TMEM154: variants seen among roughly 807,000 people sequenced by gnomAD.
TMEM154 encodes the protein transmembrane protein 154.
TMEM154 carries 27 observed loss-of-function variants against 24.5 expected under a neutral mutation model. That is an observed-to-expected ratio of 1.10 (90% CI 0.81 to 1.52). The LOEUF is 1.52. Among genes scored for constraint, TMEM154 ranks in the 40% most tolerant of loss-of-function variants. TMEM154 has a pLI of 0.00. For synonymous variants in TMEM154, 67 were observed against 76.8 expected, an observed-to-expected ratio of 0.87 and a Z score of 0.67; for missense variants, 228 against 213.4, an observed-to-expected ratio of 1.07 and a Z score of -0.43.
chr4:152,648,010 A>C (rs1267674066), intron 3 of TMEM154, among the ~76,000 whole-genome samples: 5 of 152,160 alleles, frequency 3.3e-5, no homozygotes, highest in Non-Finnish European at 7.3e-5. Context: ...GACCTTAACG[A>C]CCACATCACC....
Position 152,660,890 on chromosome 4 carries a change from C to T in TMEM154, c.65-7963G>A, listed in dbSNP as rs149919975. Among the ~76,000 whole-genome samples the T allele has an allele frequency of 2.6e-3, 400 of 152,276 alleles. 1 individual carries two copies. The highest frequency in any genetic ancestry group is 9.1e-3 in the African/African-American group (376 of 41,546). ...GAAAAGCTGCCCAGAAGGACAGGGT[C>T]TTTTCAGCACCTCTCTGAGGAAGGT... On this transcript the variant is annotated intron_variant, in intron 1 of 6. Transcript: ENST00000304385.
intron 5 of TMEM154, 97 bp from the exon 6 acceptor site, chr4:152,641,082 C>T (rs72956780): frequency 0.07 from 82,819 of 1,183,460 alleles, 3,762 homozygotes; most frequent in African/African-American, 0.2. Flanking sequence ...CTCTGATCTG[C>T]GTGGTTACTT....
intron 3 of TMEM154, among the ~76,000 whole-genome samples, chr4:152,644,686 C>A (rs3935569): frequency 9.2e-5 from 14 of 152,010 alleles, no homozygotes; most frequent in African/African-American, 3.1e-4. Flanking sequence ...TCACTTCAGA[C>A]CAGATGTTCA....
At chr4:152,657,749 A>T (rs1490444012) in intron 1 of TMEM154, among the ~76,000 whole-genome samples, 2 of 152,244 alleles carry the variant, frequency 1.3e-5, no homozygotes, top group Non-Finnish European at 2.9e-5. Context: ...AACCCCTATC[A>T]GACTAACAGT....
chr4:152,654,960 T>G (rs1471812083), intron 1 of TMEM154, among the ~76,000 whole-genome samples: 1 of 151,874 alleles, frequency 6.6e-6, no homozygotes, highest in Non-Finnish European at 1.5e-5. Flanking sequence ...CCCCAAACCA[T>G]CAGAATCAAT....
chr4:152,674,766 G>A (rs772070430), intron 1 of TMEM154, among the ~76,000 whole-genome samples: 59 of 152,308 alleles, frequency 3.9e-4, no homozygotes, highest in Non-Finnish European at 6.8e-4. Flanking sequence ...TAGTAGCTTG[G>A]TGACAGGATC....
chr4:152,662,845 G>T (rs1475318269), intron 1 of TMEM154, among the ~76,000 whole-genome samples: 1 of 152,194 alleles, frequency 6.6e-6, no homozygotes, highest in African/African-American at 2.4e-5. Context: ...CAGGAAATAA[G>T]TCTGGAGGTG....
At chr4:152,663,448 C>T (rs1254416742) in intron 1 of TMEM154, among the ~76,000 whole-genome samples, 4 of 152,224 alleles carry the variant, frequency 2.6e-5, no homozygotes, top group African/African-American at 9.6e-5. Context: ...AGGAACACAA[C>T]AGGTTAGAAG....
chr4:152,655,737 C>G (rs1728477916), intron 1 of TMEM154, among the ~76,000 whole-genome samples: 1 of 152,152 alleles, frequency 6.6e-6, no homozygotes, highest in South Asian at 2.1e-4. Flanking sequence ...AGGGCCAAAG[C>G]ATGAGCAAAG....
At chr4:152,679,839 T>G in intron 1 of TMEM154, 31 bp downstream of exon 1, 1 of 1,593,962 alleles carries the variant, frequency 6.3e-7, no homozygotes, top group South Asian at 1.1e-5. Flanking sequence ...GCGATCCTCC[T>G]TCCCAGGAGT....
chr4:152,679,402 T>G (rs1729016673), intron 1 of TMEM154, among the ~76,000 whole-genome samples: 1 of 151,974 alleles, frequency 6.6e-6, no homozygotes, highest in Non-Finnish European at 1.5e-5. Context: ...TTTATGTCGT[T>G]TCTTTAGTAT....
At chr4:152,662,506 A>T (rs1393701178) in intron 1 of TMEM154, among the ~76,000 whole-genome samples, 1 of 152,196 alleles carries the variant, frequency 6.6e-6, no homozygotes, top group Non-Finnish European at 1.5e-5. Context: ...TGACAAGGTA[A>T]GAGTTAGGAA....
intron 1 of TMEM154, among the ~76,000 whole-genome samples, chr4:152,673,194 G>A (rs1015725634): frequency 2.0e-5 from 3 of 151,532 alleles, no homozygotes; most frequent in South Asian, 4.2e-4. Flanking sequence ...AATATATAGC[G>A]TAATTTTGGT....
At chr4:152,640,043 G>C (rs1561046436) in intron 6 of TMEM154, among the ~76,000 whole-genome samples, 1 of 152,202 alleles carries the variant, frequency 6.6e-6, no homozygotes, top group Non-Finnish European at 1.5e-5. Flanking sequence ...CTAATAATCA[G>C]TATTCCCTCG....
At chr4:152,641,937 T>G (rs1440868261) in intron 5 of TMEM154, among the ~76,000 whole-genome samples, 18 of 126,396 alleles carry the variant, frequency 1.4e-4, no homozygotes, top group African/African-American at 3.8e-4. Flanking sequence ...TTTTTTTTTT[T>G]GTTGAGATGG....
At chr4:152,637,329 T>C (rs1325209570) in intron 6 of TMEM154, among the ~76,000 whole-genome samples, 8 of 152,164 alleles carry the variant, frequency 5.3e-5, no homozygotes, top group Non-Finnish European at 2.9e-5. Context: ...ATGGATCACC[T>C]GAGGTCAGGA....
At position 152,641,102 on chromosome 4, in the gene TMEM154, T is replaced by C. The variant is rs139366162; in HGVS notation, c.479-117A>G. ...ATCTGCGTGGTTACTTGCACAAAAA[T>C]GGCCTCACCAAGGAGTGATAGTGAT... On this transcript the variant is annotated intron_variant, in intron 5 of 6. Coordinates refer to ENST00000304385, the MANE Select transcript of TMEM154 (RefSeq NM_152680.3). 318 of 890,238 alleles carry C rather than the reference T, an allele frequency of 3.6e-4. No homozygotes were observed. The African/African-American group carries it at 4.9e-3, about 14-fold the overall frequency. The allele number at this position is 890,238 out of a possible 1,614,324, so 55.1% of individuals were successfully genotyped here.
chr4:152,640,883 G>A (rs373620104), intron 6 of TMEM154, 45 bp downstream of exon 6: 29 of 609,676 alleles, frequency 4.8e-5, no homozygotes, highest in Non-Finnish European at 5.9e-5. Flanking sequence ...CAATCCCCCC[G>A]CCCCCCGCCA....
At chr4:152,633,420 T>G (rs1752088420) in intron 6 of TMEM154, among the ~76,000 whole-genome samples, 1 of 152,234 alleles carries the variant, frequency 6.6e-6, no homozygotes, top group Non-Finnish European at 1.5e-5. Context: ...TTCCTTTATT[T>G]AGTTAGATAT....
Sources: allele counts gnomAD v4.1 joint callset (sites outside exome capture counted in the v4.1 genomes callset), GRCh38; gene constraint gnomAD v4.1.1; transcripts MANE v1.5; gene names NCBI Gene and HGNC (gene_info 2026-07-23, HGNC 2026-07-21).